WDFY2: variants seen among roughly 807,000 people sequenced by gnomAD.
The protein encoded by WDFY2 is WD repeat and FYVE domain containing 2.
Under a neutral mutation model 56.4 loss-of-function variants are expected in WDFY2, and 36 were observed. That is an observed-to-expected ratio of 0.64 (90% CI 0.49 to 0.84). The LOEUF (loss-of-function observed/expected upper bound fraction) is 0.84. WDFY2 is among the 40% of genes least tolerant of loss of function. The pLI, the probability that WDFY2 is intolerant of heterozygous loss-of-function variation, is 0.00. For synonymous variants in WDFY2, 176 were observed against 183.7 expected (o/e 0.96, Z 0.34); for missense variants, 444 against 512.2 (o/e 0.87, Z 1.29).
chr13:51,657,612 A>G lies in WDFY2; in HGVS notation c.138-2984A>G, dbSNP rs79668003. 6.8e-3 allele frequency among the ~76,000 whole-genome samples: 1,031 copies of G among 152,270 alleles called. 33 individuals are homozygous for G. Among genetic ancestry groups the G allele is most frequent in the East Asian group, 0.053 (274 of 5,186 alleles). ...ATGTTGGTACACTTGATGATGTCCC[A>G]TAGGTCTCTTACGCTCTGTTTGTTA... On this transcript the variant is annotated intron_variant, in intron 1 of 11. Coordinates refer to ENST00000298125, the MANE Select transcript of WDFY2 (RefSeq NM_052950.4).
intron 1 of WDFY2, among the ~76,000 whole-genome samples, chr13:51,596,756 G>A (rs1003926078): frequency 4.6e-5 from 7 of 152,182 alleles, no homozygotes; most frequent in African/African-American, 1.7e-4. Context: ...CTTACTCCAT[G>A]AGAAGGGACA....
chr13:51,712,393 G>A (rs1354924144), intron 4 of WDFY2, among the ~76,000 whole-genome samples: 1 of 152,092 alleles, frequency 6.6e-6, no homozygotes, highest in Non-Finnish European at 1.5e-5. Context: ...GTATACATAT[G>A]TAACAAATCT....
chr13:51,689,005 A>G (rs1956105475), intron 3 of WDFY2, among the ~76,000 whole-genome samples: 1 of 152,204 alleles, frequency 6.6e-6, no homozygotes, highest in African/African-American at 2.4e-5. Context: ...GTGATACATC[A>G]GTGTTCTGGC....
rs777631940 is a variant in WDFY2, at chr13:51,762,451, C to A, written c.*2682C>A. The A allele has an allele frequency of 2.6e-5, 4 of 152,246 alleles. No homozygotes were observed. Among genetic ancestry groups the A allele is most frequent in the Non-Finnish European group, 5.9e-5 (4 of 68,046 alleles). The allele number at this position is 152,246 out of a possible 1,614,324, so 9.4% of individuals were successfully genotyped here. A position where few individuals can be genotyped will look rare whatever the true frequency, so the allele number is the denominator to read the frequency against. On this transcript the variant is annotated 3_prime_UTR_variant, in exon 12 of 12. Transcript: ENST00000298125. ...ACCAGATATGTCAAGGTATCCATTG[C>A]TCTTTCCTTTTCTCTCATCTGTGTG...
chr13:51,644,691 T>G (rs1198442710), intron 1 of WDFY2, among the ~76,000 whole-genome samples: 3 of 152,206 alleles, frequency 2.0e-5, no homozygotes, highest in Non-Finnish European at 2.9e-5. Context: ...AGCCACTGAT[T>G]GCTGAGTTGC....
chr13:51,635,738 C>T (rs1430168282), intron 1 of WDFY2, among the ~76,000 whole-genome samples: 1 of 152,214 alleles, frequency 6.6e-6, no homozygotes, highest in African/African-American at 2.4e-5. Context: ...AACAGGATCT[C>T]TCTTACTCGT....
intron 7 of WDFY2, among the ~76,000 whole-genome samples, chr13:51,742,373 T>C (rs908968517): frequency 2.0e-5 from 3 of 152,132 alleles, no homozygotes; most frequent in African/African-American, 7.2e-5. Context: ...AGCATTCTGG[T>C]GTATTTATTC....
intron 3 of WDFY2, among the ~76,000 whole-genome samples, chr13:51,702,884 G>C (rs1952013145): frequency 6.6e-6 from 1 of 152,152 alleles, no homozygotes; most frequent in Non-Finnish European, 1.5e-5. Context: ...TCAAAACCTG[G>C]CTGGATCTCA....
intron 1 of WDFY2, among the ~76,000 whole-genome samples, chr13:51,618,675 A>G (rs1954668561): frequency 6.6e-6 from 1 of 152,250 alleles, no homozygotes; most frequent in African/African-American, 2.4e-5. Flanking sequence ...CCTGTCACTC[A>G]TGACACCACT....
At chr13:51,723,218 C>G (rs1283459940) in intron 5 of WDFY2, among the ~76,000 whole-genome samples, 1 of 152,122 alleles carries the variant, frequency 6.6e-6, no homozygotes, top group Non-Finnish European at 1.5e-5. Flanking sequence ...ATCATTTTAT[C>G]CTTATATACT....
chr13:51,633,637 C>G (rs1202325370), intron 1 of WDFY2, among the ~76,000 whole-genome samples: 1 of 152,090 alleles, frequency 6.6e-6, no homozygotes, highest in African/African-American at 2.4e-5. Context: ...AGTAGCCAGT[C>G]AGTGGTGGAG....
intron 1 of WDFY2, chr13:51,592,232 A>G (rs1954059677): frequency 6.6e-6 from 1 of 152,172 alleles, no homozygotes. Context: ...TTCCTGTCCT[A>G]TGTTAATTTA....
In WDFY2 at chr13:51,751,380, A is replaced by C. The variant is rs753354181; in HGVS notation, c.796A>C (p.Ile266Leu). ...GATCTCCTGTGGCGGTGATGGTGGG[A>C]TTGTCGTCTGGAACATGGACGTGGA... ...QLISCGGDGG[I>L]VVWNMDVERQ... The change falls in exon 8 of 12, where the codon ATT (isoleucine) becomes CTT (leucine). Residue 266 changes from isoleucine (I) to leucine (L), a missense_variant. Coordinates refer to ENST00000298125, the MANE Select transcript of WDFY2 (RefSeq NM_052950.4). The C allele has an allele frequency of 6.2e-7, 1 of 1,614,002 alleles. No individual in the cohort carries two copies. Among genetic ancestry groups the C allele is most frequent in the Non-Finnish European group, 8.5e-7 (1 of 1,179,924 alleles).
At chr13:51,685,836 A>T (rs1303005444) in intron 3 of WDFY2, among the ~76,000 whole-genome samples, 1 of 152,192 alleles carries the variant, frequency 6.6e-6, no homozygotes, top group Non-Finnish European at 1.5e-5. Flanking sequence ...TGGAGGCAGG[A>T]AACGTATGCA....
At chr13:51,699,202 C>A (rs78152141) in intron 3 of WDFY2, among the ~76,000 whole-genome samples, 1 of 152,170 alleles carries the variant, frequency 6.6e-6, no homozygotes, top group Admixed American at 6.5e-5. Flanking sequence ...ACTTTCTACA[C>A]GGAGGGAGAA....
At chr13:51,594,745 A>C (rs1045873678) in intron 1 of WDFY2, among the ~76,000 whole-genome samples, 3 of 152,300 alleles carry the variant, frequency 2.0e-5, no homozygotes, top group African/African-American at 2.4e-5. Context: ...CGTGTCTGCA[A>C]ATTGGGAGTA....
At chr13:51,650,373 A>G (rs1453373459) in intron 1 of WDFY2, among the ~76,000 whole-genome samples, 2 of 152,144 alleles carry the variant, frequency 1.3e-5, no homozygotes, top group African/African-American at 2.4e-5. Context: ...GGGACAGTTT[A>G]ACTTCCTCTT....
At chr13:51,692,014 G>A (rs1287591351) in intron 3 of WDFY2, among the ~76,000 whole-genome samples, 1 of 152,092 alleles carries the variant, frequency 6.6e-6, no homozygotes, top group Admixed American at 6.5e-5. Context: ...TGGTGTATAA[G>A]AATGCTTGTG....
intron 1 of WDFY2, among the ~76,000 whole-genome samples, chr13:51,644,714 GA>G (rs559455912): frequency 1.3e-4 from 20 of 151,470 alleles, no homozygotes; most frequent in Admixed American, 2.6e-4. Context: ...CAGCTGTGAG[GA>G]AAAAAAAAGT....
Sources: gnomAD v4.1 joint callset for allele counts (sites outside exome capture counted in the v4.1 genomes callset) on GRCh38, gnomAD v4.1.1 for gene constraint, MANE v1.5 for transcripts, NCBI Gene and HGNC (gene_info 2026-07-23, HGNC 2026-07-21) for gene names.